PYGL: variants seen among roughly 807,000 people sequenced by gnomAD.
The protein encoded by PYGL is glycogen phosphorylase, liver form.
A neutral mutation model predicts 100.1 loss-of-function variants in PYGL; 90 were observed. The observed-to-expected ratio is 0.90, with a 90% CI of 0.76 to 1.07. The LOEUF (loss-of-function observed/expected upper bound fraction) is 1.07, where lower values mean the gene tolerates loss of function less well. PYGL is among the 50% of genes least tolerant of loss of function. PYGL has a pLI of 0.00. For synonymous variants in PYGL, 373 were observed against 393.0 expected (o/e 0.95, Z 0.60); for missense variants, 1,016 against 1,057.6 (o/e 0.96, Z 0.55).
At chr14:50,942,004 G>A (rs1392872478) in intron 1 of PYGL, among the ~76,000 whole-genome samples, 1 of 152,190 alleles carries the variant, frequency 6.6e-6, no homozygotes, top group African/African-American at 2.4e-5. Flanking sequence ...AGAAATGTAC[G>A]CATAGAGTTA....
Position 50,944,238 on chromosome 14 carries a change from G to T in PYGL, c.166C>A (p.Leu56Met), listed in dbSNP as rs143343506. ...AGGTGGTCGCGCACCGTGTGCGCCAGCGCGAAGTAGTAGTCGCGGGTGGTG... is the reference window on the plus strand; with the variant it reads ...AGGTGGTCGCGCACCGTGTGCGCCATCGCGAAGTAGTAGTCGCGGGTGGTG... Reference protein sequence around the residue: ...VATTRDYYFALAHTVRDHLVG... With the variant: ...VATTRDYYFAMAHTVRDHLVG... Residue 56 changes from leucine to methionine, a missense_variant, in exon 1 of 20, where the codon CTG becomes ATG. Coordinates refer to ENST00000216392, the MANE Select transcript of PYGL (RefSeq NM_002863.5). 1.2e-6 allele frequency: 2 copies of T among 1,613,558 alleles called. No homozygotes were observed. The highest frequency in any genetic ancestry group is 2.2e-5 in the South Asian group (2 of 91,084).
chr14:50,908,543 G>A (rs1486348845), intron 18 of PYGL, among the ~76,000 whole-genome samples: 1 of 152,166 alleles, frequency 6.6e-6, no homozygotes, highest in Non-Finnish European at 1.5e-5. Flanking sequence ...GGATGCATTT[G>A]GAAGTTGGGA....
intron 18 of PYGL, 131 bp downstream of exon 18, chr14:50,908,690 C>T (rs2050358425): frequency 7.6e-7 from 1 of 1,319,572 alleles, no homozygotes; most frequent in Non-Finnish European, 1.1e-6. Context: ...CTATGCTAAT[C>T]TACATGAGTG....
chr14:50,944,080 T>C, intron 1 of PYGL, 81 bp downstream of exon 1: 1 of 1,491,094 alleles, frequency 6.7e-7, no homozygotes, highest in South Asian at 1.2e-5. Context: ...TCTGAGGGGT[T>C]CTCCACCTCG....
At chr14:50,917,968 A>G (rs1401467968) in intron 7 of PYGL, among the ~76,000 whole-genome samples, 1 of 152,236 alleles carries the variant, frequency 6.6e-6, no homozygotes, top group Non-Finnish European at 1.5e-5. Flanking sequence ...AGAATCTACA[A>G]GGAACTCAAA....
intron 2 of PYGL, among the ~76,000 whole-genome samples, chr14:50,935,998 A>G (rs1374510261): frequency 1.3e-5 from 2 of 152,208 alleles, no homozygotes; most frequent in African/African-American, 2.4e-5. Flanking sequence ...CCCTGCCCCA[A>G]AGTGCTGGGG....
In PYGL at chr14:50,935,293, A is replaced by G. The variant is rs117171255; in HGVS notation, c.346-108T>C. The G allele has an allele frequency of 4.8e-3, 4,382 of 911,500 alleles. 23 individuals carry two copies. Among genetic ancestry groups the G allele is most frequent in the Non-Finnish European group, 6.1e-3 (3,457 of 566,338 alleles). The allele number at this position is 911,500 out of a possible 1,614,324, so 56.5% of individuals were successfully genotyped here. ...TAAAGGTATTCAGGTTTAGCTGTGT[A>G]CCTAATCTAGCGTCAGCTCCCTTGC... On this transcript the variant is annotated intron_variant, in intron 2 of 19. Transcript: ENST00000216392.
chr14:50,920,490 G>A (rs1298952371), intron 7 of PYGL, 51 bp downstream of exon 7: 1 of 1,495,518 alleles, frequency 6.7e-7, no homozygotes, highest in African/African-American at 1.4e-5. Context: ...ACAGGCTCTT[G>A]TGAAATAAGC....
In PYGL at chr14:50,937,941, C is replaced by T. The variant is rs1232476052; in HGVS notation, c.244-104G>A. On this transcript the variant is annotated intron_variant, in intron 1 of 19. Coordinates refer to ENST00000216392, the MANE Select transcript of PYGL (RefSeq NM_002863.5). ...AGGTCACCAATAAGAAACAAACAGGCAGGACTATGTCACCACAGGTTCGAA... is the reference window on the plus strand; with the variant it reads ...AGGTCACCAATAAGAAACAAACAGGTAGGACTATGTCACCACAGGTTCGAA... The T allele has an allele frequency of 6.8e-6, 7 of 1,026,966 alleles. 1 individual carries two copies. The highest frequency in any genetic ancestry group is 2.5e-5 in the East Asian group (1 of 40,314). 63.6% of individuals were successfully genotyped at this position (1,026,966 alleles called of 1,614,324 possible).
intron 18 of PYGL, 24 bp downstream of exon 18, chr14:50,908,797 C>G (rs1393557406): frequency 1.3e-6 from 2 of 1,541,216 alleles, no homozygotes; most frequent in Non-Finnish European, 1.8e-6. Flanking sequence ...ATCCAAATAG[C>G]ACCATCTTCT....
intron 3 of PYGL, among the ~76,000 whole-genome samples, chr14:50,933,867 T>A (rs982817262): frequency 6.6e-6 from 1 of 152,146 alleles, no homozygotes; most frequent in Admixed American, 6.6e-5. Context: ...ACAGAAAATA[T>A]TTAATTTTTA....
Position 50,912,176 on chromosome 14 carries a change from T to C in PYGL, c.1748A>G (p.His583Arg), listed in dbSNP as rs375136222. 18 of 1,614,110 alleles carry C rather than the reference T, an allele frequency of 1.1e-5. No individual in the cohort carries two copies. Among genetic ancestry groups the C allele is most frequent in the African/African-American group, 5.3e-5 (4 of 74,934 alleles). The part of the protein sequence containing the change: ...EYKRQLLNCL[H>R]VITMYNRIKK... Reference sequence around the variant, plus strand: ...CTCACGGTTGTACATCGTGATCACATGCAGACAGTTCAAGAGCTGTCGCTT... The same window carrying C: ...CTCACGGTTGTACATCGTGATCACACGCAGACAGTTCAAGAGCTGTCGCTT... The change falls in exon 14 of 20, where the codon CAT (histidine) becomes CGT (arginine). Residue 583 changes from histidine to arginine, a missense_variant. Coordinates refer to ENST00000216392, the MANE Select transcript of PYGL (RefSeq NM_002863.5).
chr14:50,927,191 G>A (rs2050557931), intron 4 of PYGL, among the ~76,000 whole-genome samples: 1 of 152,046 alleles, frequency 6.6e-6, no homozygotes, highest in Non-Finnish European at 1.5e-5. Flanking sequence ...CCTGACTCCT[G>A]TGGAAGTCAG....
Position 50,915,853 on chromosome 14 carries a change from A to G in PYGL, c.1211T>C (p.Ile404Thr). Residue 404 changes from isoleucine (I) to threonine (T), a missense_variant, in exon 10 of 20, where the codon ATT becomes ACT. Transcript: ENST00000216392. ...TAAATGCTTCTGATTTATCTCATAA[A>G]TGATTTCCAAATGTCGAGGGAGCAG... ...EKLLPRHLEIIYEINQKHLDR... is the reference protein window; with the variant it reads ...EKLLPRHLEITYEINQKHLDR... 1.2e-6 allele frequency: 2 copies of G among 1,614,198 alleles called. No individual in the cohort carries two copies. The highest frequency in any genetic ancestry group is 2.2e-5 in the East Asian group (1 of 44,892).
chr14:50,943,199 C>G (rs562211351), intron 1 of PYGL, among the ~76,000 whole-genome samples: 2 of 152,278 alleles, frequency 1.3e-5, no homozygotes, highest in African/African-American at 4.8e-5. Context: ...CAATATGTCT[C>G]TACCTGGCTT....
At chr14:50,909,317 T>G (rs1421374979) in intron 17 of PYGL, among the ~76,000 whole-genome samples, 1 of 152,198 alleles carries the variant, frequency 6.6e-6, no homozygotes, top group African/African-American at 2.4e-5. Flanking sequence ...CCACAGATTC[T>G]CAAAAGTTGT....
At position 50,912,382 on chromosome 14, in the gene PYGL, G is replaced by A. The variant is rs10142003; in HGVS notation, c.1621-79C>T. 0.14 allele frequency: 215,079 copies of A among 1,524,800 alleles called. 18,127 individuals carry two copies. Among genetic ancestry groups the A allele is most frequent in the African/African-American group, 0.4 (29,142 of 73,126 alleles). 94.5% of individuals were successfully genotyped at this position (1,524,800 alleles called of 1,614,324 possible). On this transcript the variant is annotated intron_variant, in intron 13 of 19. Transcript: ENST00000216392. ...GTCTGGTTTTTCTTTTTTTTGAGAC[G>A]GAGTCTCACTCTTTTGCCCAGGCTG... is the stretch of plus-strand genomic sequence containing the variant.
chr14:50,917,341 A>G (rs1226232601), intron 7 of PYGL, among the ~76,000 whole-genome samples: 2 of 152,222 alleles, frequency 1.3e-5, no homozygotes, highest in African/African-American at 4.8e-5. Context: ...GGATAAAGAC[A>G]ATAGCAACAA....
At chr14:50,937,607 A>G in intron 2 of PYGL, 129 bp downstream of exon 2, 1 of 853,430 alleles carries the variant, frequency 1.2e-6, no homozygotes, top group Non-Finnish European at 1.9e-6. Context: ...AAAGTTTGTA[A>G]TAGCCACATC....
Sources: gnomAD v4.1 joint callset for allele counts (sites outside exome capture counted in the v4.1 genomes callset) on GRCh38, gnomAD v4.1.1 for gene constraint, MANE v1.5 for transcripts, NCBI Gene and HGNC (gene_info 2026-07-23, HGNC 2026-07-21) for gene names.